The following TMEM132D variants were observed in gnomAD, a reference collection of about 807,000 sequenced individuals.
TMEM132D encodes transmembrane protein 132D, also known as mature OL transmembrane protein.
In TMEM132D, 21 loss-of-function variants were observed where a neutral mutation model predicts 62.3. That is an observed-to-expected ratio of 0.34 (90% CI 0.24 to 0.49). The LOEUF is 0.49. Among genes scored for constraint, TMEM132D ranks in the 20% least tolerant of loss-of-function variants. The pLI, the probability that TMEM132D is intolerant of heterozygous loss-of-function variation, is 0.99. For synonymous variants in TMEM132D, 621 were observed against 575.6 expected (o/e 1.08, Z -1.13); for missense variants, 1,346 against 1,402.8 (o/e 0.96, Z 0.65).
chr12:129,242,574 A>T (rs756546986), intron 4 of TMEM132D, among the ~76,000 whole-genome samples: 1 of 152,044 alleles, frequency 6.6e-6, no homozygotes, highest in Non-Finnish European at 1.5e-5. Flanking sequence ...ATTCATTTTC[A>T]TGGGTTATCA....
intron 4 of TMEM132D, among the ~76,000 whole-genome samples, chr12:129,266,148 T>A (rs949944556): frequency 1.3e-5 from 2 of 152,262 alleles, no homozygotes; most frequent in Non-Finnish European, 2.9e-5. Context: ...GTCATTTCAG[T>A]ACTCGTATCT....
chr12:129,524,000 C>T (rs1006400691), intron 3 of TMEM132D, among the ~76,000 whole-genome samples: 3 of 152,046 alleles, frequency 2.0e-5, no homozygotes, highest in African/African-American at 7.2e-5. Context: ...TTCACCTGAA[C>T]TTGCATTTCT....
At chr12:129,323,486 T>C (rs1487771929) in intron 4 of TMEM132D, among the ~76,000 whole-genome samples, 1 of 152,038 alleles carries the variant, frequency 6.6e-6, no homozygotes, top group African/African-American at 2.4e-5. Flanking sequence ...CCGAAGAAAA[T>C]TAAATTGATT....
At chr12:129,393,383 T>A (rs542537702) in intron 3 of TMEM132D, among the ~76,000 whole-genome samples, 1 of 152,342 alleles carries the variant, frequency 6.6e-6, no homozygotes, top group African/African-American at 2.4e-5. Flanking sequence ...GCAACTGGTT[T>A]AATGGATCAA....
intron 1 of TMEM132D, among the ~76,000 whole-genome samples, chr12:129,725,778 C>T (rs543854948): frequency 6.6e-6 from 1 of 152,220 alleles, no homozygotes; most frequent in Admixed American, 6.5e-5. Context: ...GTTAACACAG[C>T]AGACCAGAGA....
At chr12:129,839,117 A>ATTTTTTTTTGTTTTTTT (rs1873098603) in intron 1 of TMEM132D, among the ~76,000 whole-genome samples, 1 of 20,704 alleles carries the variant, frequency 4.8e-5, no homozygotes, top group Non-Finnish European at 8.4e-5. Context: ...CGCCTGGCTA[A>ATTTTTTTTTGTTTTTTT]TTTTTTTTTT....
At chr12:129,700,832 T>C (rs1479063152) in intron 1 of TMEM132D, 134 bp from the exon 2 acceptor site, 32 of 1,010,410 alleles carry the variant, frequency 3.2e-5, no homozygotes, top group Non-Finnish European at 4.4e-5. Flanking sequence ...TATCCAAACC[T>C]CTTAATCCAA....
chr12:129,251,125 A>T (rs61947084), intron 4 of TMEM132D, among the ~76,000 whole-genome samples: 2 of 151,896 alleles, frequency 1.3e-5, no homozygotes, highest in Non-Finnish European at 2.9e-5. Flanking sequence ...TGGGAGGCTG[A>T]GGTGGGTGGG....
chr12:129,755,621 G>A (rs1006280745), intron 1 of TMEM132D, among the ~76,000 whole-genome samples: 1 of 152,134 alleles, frequency 6.6e-6, no homozygotes, highest in African/African-American at 2.4e-5. Context: ...TGCCCCTTTT[G>A]TCTATTATTA....
intron 2 of TMEM132D, among the ~76,000 whole-genome samples, chr12:129,672,542 A>G (rs1880525260): frequency 6.6e-6 from 1 of 152,188 alleles, no homozygotes; most frequent in South Asian, 2.1e-4. Flanking sequence ...AGGTAACCAA[A>G]GTTCCCCAGA....
intron 3 of TMEM132D, among the ~76,000 whole-genome samples, chr12:129,511,977 T>C (rs945551404): frequency 1.3e-5 from 2 of 152,242 alleles, no homozygotes; most frequent in African/African-American, 2.4e-5. Context: ...ATTTACAGTG[T>C]GTTTAACTAC....
intron 2 of TMEM132D, among the ~76,000 whole-genome samples, chr12:129,641,871 A>T (rs1249576188): frequency 6.6e-6 from 1 of 152,114 alleles, no homozygotes; most frequent in Admixed American, 6.5e-5. Context: ...AGGACCTATT[A>T]TTCTATTTTC....
chr12:129,895,428 G>A (rs184641912), intron 1 of TMEM132D, among the ~76,000 whole-genome samples: 1 of 152,342 alleles, frequency 6.6e-6, no homozygotes, highest in Non-Finnish European at 1.5e-5. Flanking sequence ...ACAACAACCA[G>A]GAGGGCTTTG....
chr12:129,087,898 C>T (rs1173378543), intron 5 of TMEM132D, among the ~76,000 whole-genome samples: 2 of 112,424 alleles, frequency 1.8e-5, no homozygotes, highest in Admixed American at 9.3e-5. Flanking sequence ...CCGGGGTGTC[C>T]TCCCTGACCG....
rs1248687426 is a variant in TMEM132D, at chr12:129,371,375, G to GTGAT, written c.1116-33562_1116-33559dup. On this transcript the variant is annotated intron_variant, in intron 3 of 8. Transcript: ENST00000422113. This position sits in a 1 kb window ranked among gnomAD's most constrained non-coding sequence, Gnocchi z 4.3. ...TGGTGACAATAATGATGTGATGATG[G>GTGAT]TGATGATGAATGATGATGGTGGTGA... 6.6e-6 allele frequency among the ~76,000 whole-genome samples: 1 copy of GTGAT among 151,738 alleles called. No individual in the cohort carries two copies.
At chr12:129,307,725 C>T (rs150839201) in intron 4 of TMEM132D, among the ~76,000 whole-genome samples, 4 of 152,246 alleles carry the variant, frequency 2.6e-5, no homozygotes, top group Non-Finnish European at 5.9e-5. Flanking sequence ...TCGAATCTGC[C>T]CTCTTCTCTC....
chr12:129,849,028 C>T (rs1484398307), intron 1 of TMEM132D, among the ~76,000 whole-genome samples: 1 of 148,830 alleles, frequency 6.7e-6, no homozygotes, highest in African/African-American at 2.4e-5. Context: ...TATTCATTCA[C>T]TCCCAAGACT....
intron 1 of TMEM132D, among the ~76,000 whole-genome samples, chr12:129,734,856 C>G (rs981838403): frequency 4.6e-5 from 7 of 151,952 alleles, no homozygotes; most frequent in Non-Finnish European, 1.0e-4. Context: ...AACAAATATC[C>G]TATTTCTCAG....
At chr12:129,748,328 G>T (rs1349615038) in intron 1 of TMEM132D, among the ~76,000 whole-genome samples, 1 of 152,120 alleles carries the variant, frequency 6.6e-6, no homozygotes, top group Non-Finnish European at 1.5e-5. Flanking sequence ...GGCTTTGATC[G>T]ACTGTCCTAG....
Sources: gnomAD v4.1 joint callset for allele counts (sites outside exome capture counted in the v4.1 genomes callset) on GRCh38, gnomAD v4.1.1 for gene constraint, Gnocchi (gnomAD v3.1) non-coding constraint, MANE v1.5 for transcripts, NCBI Gene and HGNC (gene_info 2026-07-23, HGNC 2026-07-21) for gene names.